Variants in RBM6 observed in about 807,000 individuals in gnomAD.
RBM6 encodes RNA binding motif protein 6.
A neutral mutation model predicts 140.4 loss-of-function variants in RBM6; 23 were observed. The observed-to-expected ratio is 0.16, with a 90% CI of 0.12 to 0.23. RBM6 has a LOEUF of 0.23. RBM6 is among the 10% of genes least tolerant of loss of function. The pLI is 1.00. For missense variants in RBM6, 1,139 were observed against 1,386.7 expected (o/e 0.82, Z 2.84); for synonymous variants, 439 against 475.6 (o/e 0.92, Z 1.00).
At chr3:50,034,500 G>A (rs2088391614) in intron 6 of RBM6, among the ~76,000 whole-genome samples, 2 of 152,000 alleles carry the variant, frequency 1.3e-5, no homozygotes, top group South Asian at 2.1e-4. Context: ...GGTGGCTCAC[G>A]CCTGTAATCC....
chr3:50,049,102 G>GTGTA (rs955131061), intron 7 of RBM6, among the ~76,000 whole-genome samples: 12 of 151,092 alleles, frequency 7.9e-5, no homozygotes, highest in Non-Finnish European at 1.3e-4. Flanking sequence ...GCGCTGGCCT[G>GTGTA]TTTATTTATT....
intron 1 of RBM6, among the ~76,000 whole-genome samples, chr3:49,950,763 A>C (rs1321680944): frequency 6.6e-6 from 1 of 152,094 alleles, no homozygotes. Context: ...AAAAAAAAAA[A>C]ACAGAAAGAA....
intron 1 of RBM6, chr3:49,940,751 G>A (rs1422566322): frequency 6.5e-6 from 1 of 152,876 alleles, no homozygotes; most frequent in Non-Finnish European, 1.5e-5. Flanking sequence ...TGGTCTGGTG[G>A]GTTCTGCGCC....
At chr3:50,025,477 T>G (rs1228541776) in intron 6 of RBM6, among the ~76,000 whole-genome samples, 1 of 151,204 alleles carries the variant, frequency 6.6e-6, no homozygotes, top group African/African-American at 2.4e-5. Context: ...AATAGGTAGA[T>G]GCACTTATTC....
chr3:50,011,075 A>G (rs1410529043), intron 6 of RBM6, among the ~76,000 whole-genome samples: 1 of 152,024 alleles, frequency 6.6e-6, no homozygotes, highest in Non-Finnish European at 1.5e-5. Flanking sequence ...AAAATGCATC[A>G]AGAGGGCTGG....
intron 19 of RBM6, among the ~76,000 whole-genome samples, chr3:50,070,793 C>T (rs550314668): frequency 6.6e-6 from 1 of 152,314 alleles, no homozygotes; most frequent in East Asian, 1.9e-4. Context: ...TAGCCATGAT[C>T]GGGAACCCTT....
At chr3:50,003,418 A>G (rs1423171754) in intron 6 of RBM6, among the ~76,000 whole-genome samples, 1 of 151,594 alleles carries the variant, frequency 6.6e-6, no homozygotes, top group East Asian at 1.9e-4. Flanking sequence ...GGCAACTCTT[A>G]GTAGAGCCTG....
chr3:49,953,868 C>G (rs996612629), intron 1 of RBM6, among the ~76,000 whole-genome samples: 1 of 152,070 alleles, frequency 6.6e-6, no homozygotes, highest in Non-Finnish European at 1.5e-5. Context: ...CAGGGTGGCT[C>G]ACACCTGTAA....
At chr3:50,002,968 T>C (rs1360724700) in intron 6 of RBM6, among the ~76,000 whole-genome samples, 1 of 151,838 alleles carries the variant, frequency 6.6e-6, no homozygotes, top group Admixed American at 6.6e-5. Flanking sequence ...ACAAAAAAAT[T>C]AGCCAGGTGT....
At chr3:49,942,892 T>C (rs1378852797) in intron 1 of RBM6, among the ~76,000 whole-genome samples, 3 of 152,174 alleles carry the variant, frequency 2.0e-5, no homozygotes, top group African/African-American at 7.2e-5. Context: ...CTGTAACCAT[T>C]AAACAAGTTA....
intron 6 of RBM6, among the ~76,000 whole-genome samples, chr3:50,007,771 G>C (rs1575673590): frequency 6.6e-6 from 1 of 152,040 alleles, no homozygotes; most frequent in Non-Finnish European, 1.5e-5. Flanking sequence ...CTGACCTCGT[G>C]ATCCACCCGC....
chr3:50,022,294 C>T (rs1263191801), intron 6 of RBM6, among the ~76,000 whole-genome samples: 1 of 150,644 alleles, frequency 6.6e-6, no homozygotes, highest in East Asian at 1.9e-4. Context: ...TTTAATGTTG[C>T]TAGTGTAGTG....
intron 6 of RBM6, among the ~76,000 whole-genome samples, chr3:50,004,192 C>T (rs1317482406): frequency 6.6e-6 from 1 of 151,970 alleles, no homozygotes; most frequent in Non-Finnish European, 1.5e-5. Context: ...ACTAAAGTGC[C>T]CTTATAGAAG....
intron 8 of RBM6, among the ~76,000 whole-genome samples, chr3:50,056,752 A>G (rs2089719443): frequency 1.3e-5 from 2 of 152,238 alleles, no homozygotes; most frequent in South Asian, 4.1e-4. Flanking sequence ...CCAAGAATGA[A>G]TTAGTTACAA....
chr3:49,949,636 C>T (rs2083646315), intron 1 of RBM6, among the ~76,000 whole-genome samples: 1 of 152,022 alleles, frequency 6.6e-6, no homozygotes, highest in Non-Finnish European at 1.5e-5. Context: ...ACTTTGGCCT[C>T]CCAAAGTGCT....
intron 2 of RBM6, among the ~76,000 whole-genome samples, chr3:49,965,139 C>T (rs1417269773): frequency 1.3e-5 from 2 of 152,098 alleles, no homozygotes; most frequent in Admixed American, 1.3e-4. Flanking sequence ...AAGAACCCTG[C>T]TACAGTAAGT....
rs1222135047 is a variant in RBM6 at position 49,962,703 on chromosome 3, A to G, written c.44+18A>G. ...CCTTTTCGGTAAGTTCTCAAATTTG[A>G]ATATTGAAATTGCCAGTATTTTAAT... On this transcript the variant is annotated intron_variant, in intron 2 of 20. Coordinates refer to ENST00000266022, the MANE Select transcript of RBM6 (RefSeq NM_005777.3). 6.4e-7 allele frequency: 1 copy of G among 1,559,764 alleles called. No individual in the cohort carries two copies. Among genetic ancestry groups the G allele is most frequent in the Admixed American group, 2.1e-5 (1 of 47,476 alleles).
intron 19 of RBM6, among the ~76,000 whole-genome samples, chr3:50,071,681 C>T (rs1463451148): frequency 6.6e-6 from 1 of 152,136 alleles, no homozygotes; most frequent in African/African-American, 2.4e-5. Context: ...AGAGAGGTGT[C>T]AGATCTGCCA....
chr3:49,983,809 G>A (rs1559551878), intron 5 of RBM6, among the ~76,000 whole-genome samples: 1 of 152,090 alleles, frequency 6.6e-6, no homozygotes, highest in Non-Finnish European at 1.5e-5. Context: ...AAATGTTTAG[G>A]AAGGCAGGAG....
Sources: gnomAD v4.1 joint callset for allele counts (sites outside exome capture counted in the v4.1 genomes callset) on GRCh38, gnomAD v4.1.1 for gene constraint, MANE v1.5 for transcripts, NCBI Gene and HGNC (gene_info 2026-07-23, HGNC 2026-07-21) for gene names.